The following MOCOS variants were observed in gnomAD, a reference collection of about 807,000 sequenced individuals.
MOCOS encodes the protein human molybdenum cofactor sulfurase.
In MOCOS, 86 loss-of-function variants were observed where a neutral mutation model predicts 83.6. That is an observed-to-expected ratio of 1.03 (90% CI 0.86 to 1.23). The LOEUF (loss-of-function observed/expected upper bound fraction) is 1.23, where lower values mean the gene tolerates loss of function less well. Among genes scored for constraint, MOCOS ranks in the 50% most tolerant of loss-of-function variants. MOCOS has a pLI of 0.00. For synonymous variants in MOCOS, 445 were observed against 434.7 expected (o/e 1.02, Z -0.29); for missense variants, 1,120 against 1,126.9 (o/e 0.99, Z 0.09).
At chr18:36,255,499 A>C (rs573104953) in intron 11 of MOCOS, among the ~76,000 whole-genome samples, 1 of 152,054 alleles carries the variant, frequency 6.6e-6, no homozygotes, top group East Asian at 1.9e-4. Flanking sequence ...TTTGTCTTCC[A>C]CTCTGGAGAT....
intron 2 of MOCOS, among the ~76,000 whole-genome samples, chr18:36,195,675 G>A (rs1351901048): frequency 6.6e-6 from 1 of 152,208 alleles, no homozygotes; most frequent in Non-Finnish European, 1.5e-5. Flanking sequence ...CAGGAGGGAT[G>A]TTAATTCAGT....
chr18:36,204,463 G>C (rs1439674770), intron 5 of MOCOS, among the ~76,000 whole-genome samples: 1 of 152,038 alleles, frequency 6.6e-6, no homozygotes, highest in African/African-American at 2.4e-5. Flanking sequence ...AATATGTTTA[G>C]AGGAAAAAAC....
At chr18:36,250,648 G>GTTTT (rs2091618458) in intron 10 of MOCOS, among the ~76,000 whole-genome samples, 1 of 152,054 alleles carries the variant, frequency 6.6e-6, no homozygotes, top group Non-Finnish European at 1.5e-5. Context: ...AATACATTTT[G>GTTTT]GATAAACAAA....
chr18:36,234,171 G>C (rs1431273074), intron 9 of MOCOS, among the ~76,000 whole-genome samples: 2 of 152,060 alleles, frequency 1.3e-5, no homozygotes, highest in East Asian at 3.8e-4. Flanking sequence ...TCATGTCTTA[G>C]ATTTAAGTCT....
chr18:36,208,166 G>C (rs191440005), intron 6 of MOCOS, among the ~76,000 whole-genome samples: 1 of 152,102 alleles, frequency 6.6e-6, no homozygotes, highest in African/African-American at 2.4e-5. Context: ...GTCTGTTTTT[G>C]TACTAGAACC....
At chr18:36,266,246 C>T (rs1469448025) in intron 13 of MOCOS, among the ~76,000 whole-genome samples, 2 of 152,158 alleles carry the variant, frequency 1.3e-5, no homozygotes, top group African/African-American at 4.8e-5. Flanking sequence ...AGTGATTCTT[C>T]TTCCTCAGCC....
At position 36,215,562 on chromosome 18, in the gene MOCOS, C is replaced by T. The variant is rs1224958349; in HGVS notation, c.1382C>T (p.Pro461Leu). 2 of 1,614,142 alleles carry T rather than the reference C, an allele frequency of 1.2e-6. No individual in the cohort carries two copies. The highest frequency in any genetic ancestry group is 1.7e-6 in the Non-Finnish European group (2 of 1,180,026). Residue 461 changes from proline (P) to leucine (L), a missense_variant, in exon 8 of 15, where the codon CCC (proline) becomes CTC (leucine). Coordinates refer to ENST00000261326, the MANE Select transcript of MOCOS (RefSeq NM_017947.4). ...AATATGGACCTCATAGATGGGCAGC[C>T]CACAGGATCTGTGAGGATTTCATTT... ...GDNMDLIDGQ[P>L]TGSVRISFGY...
chr18:36,251,330 C>A, intron 11 of MOCOS, 47 bp downstream of exon 11: 1 of 1,606,440 alleles, frequency 6.2e-7, no homozygotes, highest in Non-Finnish European at 8.5e-7. Flanking sequence ...CCCTGGCTTA[C>A]CCTTGCACAC....
intron 9 of MOCOS, among the ~76,000 whole-genome samples, chr18:36,230,909 C>G (rs1050026338): frequency 2.6e-5 from 4 of 151,970 alleles, no homozygotes; most frequent in Non-Finnish European, 4.4e-5. Context: ...AGTTTTGTAC[C>G]TTTCTTTTTC....
rs368821065 is a variant in MOCOS, at chr18:36,220,287, A to G, written c.1960+70A>G. ...CTTTTATATTCATATGAAATACTCT[A>G]CCAAGTGTTAGAATAACCCATCAGC... On this transcript the variant is annotated intron_variant, in intron 9 of 14. Transcript: ENST00000261326. 3.4e-5 allele frequency: 54 copies of G among 1,574,874 alleles called. No individual in the cohort carries two copies. In the East Asian group the frequency reaches 6.8e-4, roughly 20 times the overall value.
At position 36,215,753 on chromosome 18, in the gene MOCOS, G is replaced by A. The variant is rs2091473896; in HGVS notation, c.1573G>A (p.Gly525Ser). The A allele has an allele frequency of 6.2e-7, 1 of 1,614,058 alleles. No individual in the cohort carries two copies. Among genetic ancestry groups the A allele is most frequent in the South Asian group, 1.1e-5 (1 of 91,088 alleles). ...GGCTGATGTTATACCTGCTGTCATG[G>A]GCAGACGTAGCCTCTCGCCTCAGGA... ...SQADVIPAVM[G>S]RRSLSPQEDA... The change falls in exon 8 of 15, where the codon GGC becomes AGC. Residue 525 changes from glycine to serine, a missense_variant. Gly to Ser is a moderately conservative substitution (Grantham distance 56). Coordinates refer to ENST00000261326, the MANE Select transcript of MOCOS (RefSeq NM_017947.4).
At chr18:36,222,618 T>TTA (rs1241016103) in intron 9 of MOCOS, among the ~76,000 whole-genome samples, 19 of 151,582 alleles carry the variant, frequency 1.3e-4, no homozygotes, top group African/African-American at 4.6e-4. Flanking sequence ...TTTTTTTTTT[T>TTA]AGAGACAGAG....
chr18:36,229,789 A>G (rs2091531187), intron 9 of MOCOS, among the ~76,000 whole-genome samples: 2 of 144,870 alleles, frequency 1.4e-5, no homozygotes, highest in Non-Finnish European at 3.1e-5. Flanking sequence ...CTGCTGTTGA[A>G]CCTCTCTTAT....
intron 7 of MOCOS, among the ~76,000 whole-genome samples, chr18:36,213,912 C>T (rs2091465287): frequency 6.9e-6 from 1 of 144,964 alleles, no homozygotes; most frequent in Non-Finnish European, 1.5e-5. Context: ...GCCTGGGTGA[C>T]AGAGCAAGAC....
intron 14 of MOCOS, among the ~76,000 whole-genome samples, chr18:36,267,748 A>G (rs991448715): frequency 6.6e-6 from 1 of 152,198 alleles, no homozygotes; most frequent in Non-Finnish European, 1.5e-5. Context: ...AGGCACAAAT[A>G]CAATACTAAG....
chr18:36,217,474 G>A (rs539063574), intron 8 of MOCOS, among the ~76,000 whole-genome samples: 47 of 152,070 alleles, frequency 3.1e-4, no homozygotes, highest in African/African-American at 1.0e-3. Context: ...TGCACTGCAG[G>A]GACATCTATG....
At chr18:36,227,331 A>G (rs1236387438) in intron 9 of MOCOS, among the ~76,000 whole-genome samples, 2 of 152,108 alleles carry the variant, frequency 1.3e-5, no homozygotes, top group South Asian at 2.1e-4. Flanking sequence ...TCCTGGGTTC[A>G]AGTGATCCTC....
At position 36,251,171 on chromosome 18, in the gene MOCOS, T is replaced by G. The variant is rs756291958; in HGVS notation, c.2052T>G (p.Tyr684Ter). The G allele has an allele frequency of 5.0e-6, 8 of 1,613,176 alleles. No homozygotes were observed. The highest frequency in any genetic ancestry group is 1.6e-4 in the Middle Eastern group (1 of 6,082). Residue 684 changes from tyrosine (Y) to a stop codon, truncating the protein, a stop_gained, in exon 11 of 15, where the codon TAT (tyrosine) becomes TAG (stop). Transcript: ENST00000261326. LOFTEE classifies it high-confidence loss of function. ...SRVCADRVST[Y>*]DCGEKISSWL... is the part of the protein sequence containing the mutation. ...TCTCTTTTGCCAGAGTAAGTACTTATGATTGTGGAGAAAAAATTTCAAGCT... is the reference window on the plus strand; with the variant it reads ...TCTCTTTTGCCAGAGTAAGTACTTAGGATTGTGGAGAAAAAATTTCAAGCT...
intron 9 of MOCOS, among the ~76,000 whole-genome samples, chr18:36,221,733 T>TTG (rs2091496834): frequency 6.6e-6 from 1 of 151,622 alleles, no homozygotes; most frequent in Admixed American, 6.6e-5. Context: ...CCATTGTTTT[T>TTG]TTTTTTTTTT....
Sources: allele counts gnomAD v4.1 joint callset (sites outside exome capture counted in the v4.1 genomes callset), GRCh38; gene constraint gnomAD v4.1.1; transcripts MANE v1.5; gene names NCBI Gene and HGNC (gene_info 2026-07-23, HGNC 2026-07-21).